Variants in VAMP8 observed in about 807,000 individuals in gnomAD.
VAMP8 encodes vesicle associated membrane protein 8, also known as vesicle-associated membrane protein 8.
In VAMP8, 9 loss-of-function variants were observed where a neutral mutation model predicts 11.4. The observed-to-expected ratio is 0.79, with a 90% CI of 0.48 to 1.38. The LOEUF (loss-of-function observed/expected upper bound fraction) is 1.38. VAMP8 is among the 40% of genes most tolerant of loss of function. The probability of loss-of-function intolerance (pLI) is 0.00; values close to 1 mark genes in which losing one functional copy is unlikely to be tolerated. For missense variants in VAMP8, 108 were observed against 127.8 expected (o/e 0.85, Z 0.75); for synonymous variants, 42 against 44.7 (o/e 0.94, Z 0.24).
Position 85,579,823 on chromosome 2 carries a change from C to T in VAMP8, c.162+656C>T, listed in dbSNP as rs546755278. ...CTGGAGCCTCAAGTTCTGTGTTCAGCGGGGAGGCTGGCTCTGGCTTTCTGA... is the reference window on the plus strand; with the variant it reads ...CTGGAGCCTCAAGTTCTGTGTTCAGTGGGGAGGCTGGCTCTGGCTTTCTGA... On this transcript the variant is annotated intron_variant, in intron 2 of 2. Transcript: ENST00000263864. The T allele has an allele frequency of 4.6e-5, 72 of 1,550,672 alleles. No individual in the cohort carries two copies. In the African/African-American group the frequency reaches 7.2e-4, roughly 16 times the overall value.
chr2:85,581,657 G>C lies in VAMP8; in HGVS notation c.244G>C (p.Val82Leu). Residue 82 changes from valine (V) to leucine (L), a missense_variant, in exon 3 of 3, where the codon GTG becomes CTG. Physicochemically the swap from Val to Leu is conservative, Grantham distance 32 (BLOSUM62 1). Coordinates refer to ENST00000263864, the MANE Select transcript of VAMP8 (RefSeq NM_003761.5). ...CGTGAAGATGATTGTCCTTATCTGC[G>C]TGATTGTTTTTATCATCATCCTCTT... ...KNVKMIVLICVIVFIIILFIV... is the reference protein window; with the variant it reads ...KNVKMIVLICLIVFIIILFIV... 2 of 1,614,158 alleles carry C rather than the reference G, an allele frequency of 1.2e-6. No individual in the cohort carries two copies. The highest frequency in any genetic ancestry group is 1.7e-6 in the Non-Finnish European group (2 of 1,180,040).
intron 2 of VAMP8, chr2:85,579,958 ATTTT>A: frequency 2.1e-5 from 25 of 1,189,248 alleles, no homozygotes; most frequent in Admixed American, 6.3e-5. Flanking sequence ...GGCCCCGGGA[ATTTT>A]TTTTTTTTTT....
chr2:85,579,954 G>A (rs534643629), intron 2 of VAMP8: 25 of 1,472,404 alleles, frequency 1.7e-5, no homozygotes, highest in South Asian at 1.5e-4. Flanking sequence ...GCATGGCCCC[G>A]GGAATTTTTT....
At position 85,581,843 on chromosome 2, in the gene VAMP8, C is replaced by A; in HGVS notation, c.*127C>A. 1 of 1,328,370 alleles carries A rather than the reference C, an allele frequency of 7.5e-7. No homozygotes were observed. Among genetic ancestry groups the A allele is most frequent in the Non-Finnish European group, 1.0e-6 (1 of 963,842 alleles). 82.3% of individuals were successfully genotyped at this position (1,328,370 alleles called of 1,614,324 possible). On this transcript the variant is annotated 3_prime_UTR_variant, in exon 3 of 3. Transcript: ENST00000263864. ...TGCTCGGTCCTCCTACCCCTCTTCC[C>A]GAGGCCCTGCTGCCATGTTGTATGC...
At chr2:85,579,206 G>A (rs1672329719) in intron 2 of VAMP8, 39 bp downstream of exon 2, 1 of 1,515,832 alleles carries the variant, frequency 6.6e-7, no homozygotes, top group Non-Finnish European at 8.9e-7. Flanking sequence ...AGGAAAACAG[G>A]GAGGGAGGGA....
chr2:85,581,554 C>T lies in VAMP8; in HGVS notation c.163-22C>T, dbSNP rs1226547953. Reference sequence around the variant, plus strand: ...CAGTGGGAGGAGCCACTGGGTCACTCACTCTGCCTTTTCCCCAACAGTCTG... The same window carrying T: ...CAGTGGGAGGAGCCACTGGGTCACTTACTCTGCCTTTTCCCCAACAGTCTG... On this transcript the variant is annotated intron_variant, in intron 2 of 2. Transcript: ENST00000263864. 3 of 1,613,620 alleles carry T rather than the reference C, an allele frequency of 1.9e-6. No individual in the cohort carries two copies. The South Asian group carries it at 3.3e-5, about 18-fold the overall frequency.
In VAMP8 at chr2:85,580,607, C is replaced by T. The variant is rs1028156405; in HGVS notation, c.163-969C>T. ...ATCCTGAGAATTCTAAATTTCAACC[C>T]GGCCTTCCAGATTTTTAGGAAGGTA... is the stretch of plus-strand genomic sequence containing the variant. On this transcript the variant is annotated intron_variant, in intron 2 of 2. Coordinates refer to ENST00000263864, the MANE Select transcript of VAMP8 (RefSeq NM_003761.5). 7.2e-5 allele frequency among the ~76,000 whole-genome samples: 11 copies of T among 151,754 alleles called. No homozygotes were observed. In the East Asian group the frequency reaches 1.5e-3, roughly 21 times the overall value.
Position 85,581,684 on chromosome 2 carries a change from A to G in VAMP8, c.271A>G (p.Ile91Val), listed in dbSNP as rs757278324. ...GATTGTTTTTATCATCATCCTCTTC[A>G]TTGTGCTCTTTGCCACTGGTGCCTT... ...CVIVFIIILF[I>V]VLFATGAFS Residue 91 changes from isoleucine (I) to valine (V), a missense_variant, in exon 3 of 3, where the codon ATT becomes GTT. Coordinates refer to ENST00000263864, the MANE Select transcript of VAMP8 (RefSeq NM_003761.5). 6.3e-5 allele frequency: 102 copies of G among 1,614,012 alleles called. No individual in the cohort carries two copies. Among genetic ancestry groups the G allele is most frequent in the Non-Finnish European group, 7.4e-5 (87 of 1,180,034 alleles).
chr2:85,578,853 T>A (rs1403439219), intron 1 of VAMP8, among the ~76,000 whole-genome samples, 156 bp from the exon 2 acceptor site: 2 of 152,214 alleles, frequency 1.3e-5, no homozygotes. Context: ...TATTTTTGAT[T>A]ACAGAAGTAA....
At position 85,579,612 on chromosome 2, in the gene VAMP8, T is replaced by G. The variant is rs1298865266; in HGVS notation, c.162+445T>G. The G allele has an allele frequency of 2.1e-6, 3 of 1,416,836 alleles. No individual in the cohort carries two copies. The African/African-American group carries it at 4.3e-5, about 20-fold the overall frequency. The allele number at this position is 1,416,836 out of a possible 1,614,324, so 87.8% of individuals were successfully genotyped here. A position where few individuals can be genotyped will look rare whatever the true frequency, so the allele number is the denominator to read the frequency against. The stretch of plus-strand genomic sequence containing the variant: ...AAGGGGTGGGAAATTGCTGGCGTCT[T>G]GCTGAGTAGGCTTTAAAAAGAAGGG... On this transcript the variant is annotated intron_variant, in intron 2 of 2. Coordinates refer to ENST00000263864, the MANE Select transcript of VAMP8 (RefSeq NM_003761.5).
intron 2 of VAMP8, chr2:85,579,979 A>G (rs1672342928): frequency 7.0e-7 from 1 of 1,424,468 alleles, no homozygotes; most frequent in South Asian, 1.5e-5. Context: ...TTTTTTAGAC[A>G]GAGCCTCACT....
In VAMP8 at chr2:85,577,990, A is replaced by C. The variant is rs150730696; in HGVS notation, c.3+341A>C. The stretch of plus-strand genomic sequence containing the variant: ...CGGGTGTTGTGACACCACACCAGGC[A>C]GCGCCTGGGCAGTTCCCAGTTCAGA... On this transcript the variant is annotated intron_variant, in intron 1 of 2. Transcript: ENST00000263864. Among the ~76,000 whole-genome samples the C allele has an allele frequency of 3.5e-3, 529 of 152,318 alleles. 5 individuals carry two copies. The highest frequency in any genetic ancestry group is 0.012 in the Admixed American group (191 of 15,288).
intron 1 of VAMP8, 22 bp from the exon 2 acceptor site, chr2:85,578,983 CTAAT>C: frequency 6.3e-7 from 1 of 1,588,648 alleles, no homozygotes; most frequent in South Asian, 1.1e-5. Flanking sequence ...ACCACTTGGT[CTAAT>C]TAACCCCGTG....
intron 2 of VAMP8, chr2:85,579,651 A>G (rs1672336105): frequency 1.3e-6 from 2 of 1,489,258 alleles, no homozygotes; most frequent in African/African-American, 1.4e-5. Context: ...AAGAGCAGTG[A>G]AATGCTTTGA....
At chr2:85,578,976 A>C in intron 1 of VAMP8, 33 bp from the exon 2 acceptor site, 2 of 1,584,382 alleles carry the variant, frequency 1.3e-6, no homozygotes, top group Non-Finnish European at 1.7e-6. Context: ...TTCCCCCACC[A>C]CTTGGTCTAA....
rs369061902 is a variant in VAMP8, at chr2:85,577,609, C to T, written c.-38C>T. 2.6e-5 allele frequency: 40 copies of T among 1,551,684 alleles called. No homozygotes were observed. Among genetic ancestry groups the T allele is most frequent in the African/African-American group, 1.5e-4 (11 of 73,052 alleles). The stretch of plus-strand genomic sequence containing the variant: ...CCACCCTGGGAGGAAGCCGACTAGG[C>T]GAATTCACTTACTGACCGGCCTGGG... On this transcript the variant is annotated 5_prime_UTR_variant, in exon 1 of 3. Transcript: ENST00000263864.
At chr2:85,580,776 C>T (rs1450463367) in intron 2 of VAMP8, among the ~76,000 whole-genome samples, 1 of 149,600 alleles carries the variant, frequency 6.7e-6, no homozygotes, top group African/African-American at 2.5e-5. Flanking sequence ...AAGTGATTCT[C>T]CTGCCTTAGC....
chr2:85,581,961 C>G lies in VAMP8; in HGVS notation c.*245C>G, dbSNP rs1441607644. On this transcript the variant is annotated 3_prime_UTR_variant, in exon 3 of 3. Coordinates refer to ENST00000263864, the MANE Select transcript of VAMP8 (RefSeq NM_003761.5). Reference sequence around the variant, plus strand: ...GGTCCTTAGAGTGGGCTGGAGAGACCTAGAGGGCCCAGCATGTGGCTGGGA... The same window carrying G: ...GGTCCTTAGAGTGGGCTGGAGAGACGTAGAGGGCCCAGCATGTGGCTGGGA... The G allele has an allele frequency of 7.9e-6, 4 of 504,592 alleles. No individual in the cohort carries two copies. The highest frequency in any genetic ancestry group is 2.7e-5 in the South Asian group (1 of 36,424). The allele number at this position is 504,592 out of a possible 1,614,324, so 31.3% of individuals were successfully genotyped here. A position where few individuals can be genotyped will look rare whatever the true frequency, so the allele number is the denominator to read the frequency against.
intron 2 of VAMP8, among the ~76,000 whole-genome samples, chr2:85,581,082 G>A (rs917384559): frequency 5.9e-5 from 9 of 152,188 alleles, no homozygotes; most frequent in Admixed American, 1.3e-4. Context: ...TAGGGAGGCT[G>A]AGGTGGGAGG....
Sources: allele counts gnomAD v4.1 joint callset (sites outside exome capture counted in the v4.1 genomes callset), GRCh38; gene constraint gnomAD v4.1.1; transcripts MANE v1.5; gene names NCBI Gene and HGNC (gene_info 2026-07-23, HGNC 2026-07-21).